AGBL4: variants seen among roughly 807,000 people sequenced by gnomAD.
The protein encoded by AGBL4 is AGBL carboxypeptidase 4.
Under a neutral mutation model 66.4 loss-of-function variants are expected in AGBL4, and 58 were observed. The ratio of observed to expected loss-of-function variants is 0.87; its 90% CI spans 0.71 to 1.09. The LOEUF (loss-of-function observed/expected upper bound fraction) is 1.09. Among genes scored for constraint, AGBL4 ranks in the 50% least tolerant of loss-of-function variants. The pLI, the probability that AGBL4 is intolerant of heterozygous loss-of-function variation, is 0.00. For synonymous variants in AGBL4, 234 were observed against 222.9 expected, an observed-to-expected ratio of 1.05 and a Z score of -0.44; for missense variants, 579 against 631.0, an observed-to-expected ratio of 0.92 and a Z score of 0.88.
At chr1:49,500,928 T>C (rs1648095573) in intron 3 of AGBL4, among the ~76,000 whole-genome samples, 1 of 152,076 alleles carries the variant, frequency 6.6e-6, no homozygotes, top group Non-Finnish European at 1.5e-5. Context: ...TGATGGTATT[T>C]TGATGAAAGG....
chr1:49,340,627 T>C (rs1490511196), intron 3 of AGBL4, among the ~76,000 whole-genome samples: 1 of 152,198 alleles, frequency 6.6e-6, no homozygotes, highest in Non-Finnish European at 1.5e-5. Flanking sequence ...GTAAGGGCAC[T>C]AGAGTAATCT....
chr1:49,950,440 A>C (rs1258520487), intron 1 of AGBL4, among the ~76,000 whole-genome samples: 1 of 151,516 alleles, frequency 6.6e-6, no homozygotes, highest in Non-Finnish European at 1.5e-5. Context: ...ATAAAAGACT[A>C]CAAATTTGGT....
chr1:49,355,607 T>G lies in AGBL4; in HGVS notation c.283-109743A>C, dbSNP rs1305889200. Among the ~76,000 whole-genome samples, 4 of 152,128 alleles carry G rather than the reference T, an allele frequency of 2.6e-5. No homozygotes were observed. In the East Asian group the frequency reaches 7.7e-4, roughly 29 times the overall value. On this transcript the variant is annotated intron_variant, in intron 3 of 13. Coordinates refer to ENST00000371839, the MANE Select transcript of AGBL4 (RefSeq NM_032785.4). ...ATCAAACACAGACTAAAATCCAAAC[T>G]CCTTAGTAGAGCCTACAAGGCTCTA...
chr1:48,940,190 C>T (rs966175747), intron 5 of AGBL4, among the ~76,000 whole-genome samples: 1 of 152,126 alleles, frequency 6.6e-6, no homozygotes, highest in African/African-American at 2.4e-5. Context: ...CCAGCCTGGC[C>T]AACATGGTGA....
intron 2 of AGBL4, among the ~76,000 whole-genome samples, chr1:49,721,313 C>T (rs1213806412): frequency 6.6e-6 from 1 of 152,120 alleles, no homozygotes; most frequent in Admixed American, 6.6e-5. Context: ...TTTCACTCTT[C>T]ACAATAAATC....
intron 6 of AGBL4, among the ~76,000 whole-genome samples, chr1:48,766,799 G>C (rs528476020): frequency 6.6e-6 from 1 of 152,196 alleles, no homozygotes; most frequent in African/African-American, 2.4e-5. Context: ...CCCAGAGTGA[G>C]GGTCGGGAAG....
chr1:48,669,911 C>G (rs971568981), intron 6 of AGBL4, among the ~76,000 whole-genome samples: 2 of 152,200 alleles, frequency 1.3e-5, no homozygotes, highest in Non-Finnish European at 2.9e-5. Context: ...TCCACACCCC[C>G]ATTCCCTCCC....
chr1:49,120,315 G>A (rs903460642), intron 4 of AGBL4, among the ~76,000 whole-genome samples: 1 of 152,202 alleles, frequency 6.6e-6, no homozygotes, highest in African/African-American at 2.4e-5. Context: ...GCTGGTACCA[G>A]TTGTTTCTTT....
chr1:48,847,625 A>G (rs1646950018), intron 6 of AGBL4, among the ~76,000 whole-genome samples: 1 of 152,200 alleles, frequency 6.6e-6, no homozygotes, highest in African/African-American at 2.4e-5. Context: ...GACCCTCAGT[A>G]TTGATTCCTT....
At chr1:49,653,987 C>T (rs986212241) in intron 3 of AGBL4, among the ~76,000 whole-genome samples, 1 of 152,198 alleles carries the variant, frequency 6.6e-6, no homozygotes, top group East Asian at 1.9e-4. Context: ...CAGTAAAGTA[C>T]TCCATGAGAA....
intron 5 of AGBL4, among the ~76,000 whole-genome samples, chr1:48,980,779 A>G (rs1047700288): frequency 2.6e-5 from 3 of 116,902 alleles, no homozygotes; most frequent in Admixed American, 9.7e-5. Context: ...ATATATATAT[A>G]TAGTTGAAAG....
At chr1:48,537,112 T>G (rs1643985672) in intron 12 of AGBL4, among the ~76,000 whole-genome samples, 3 of 152,186 alleles carry the variant, frequency 2.0e-5, no homozygotes. Context: ...ATTTGATGCT[T>G]GGGTGGAAAA....
intron 1 of AGBL4, among the ~76,000 whole-genome samples, chr1:49,895,371 T>C (rs899173702): frequency 6.6e-6 from 1 of 151,936 alleles, no homozygotes; most frequent in African/African-American, 2.4e-5. Flanking sequence ...TATTATAACA[T>C]TGGTAATCAT....
rs892060782 is a variant in AGBL4, at chr1:49,621,258, C to G, written c.282+76055G>C. 2.6e-5 allele frequency among the ~76,000 whole-genome samples: 4 copies of G among 152,178 alleles called. No individual in the cohort carries two copies. In the South Asian group the frequency reaches 8.3e-4, roughly 31 times the overall value. On this transcript the variant is annotated intron_variant, in intron 3 of 13. Transcript: ENST00000371839. The stretch of plus-strand genomic sequence containing the variant: ...AGTTTGGCCATGAGAGTACACCCAA[C>G]AAAGGAGACAGGGTCATTTATAACT...
intron 2 of AGBL4, among the ~76,000 whole-genome samples, chr1:49,708,402 T>C (rs1647375348): frequency 2.6e-5 from 4 of 152,072 alleles, no homozygotes; most frequent in Admixed American, 2.6e-4. Flanking sequence ...TTCATCTCCA[T>C]CAGTTCATTT....
chr1:49,547,993 C>T (rs574933947), intron 3 of AGBL4, among the ~76,000 whole-genome samples: 21 of 152,138 alleles, frequency 1.4e-4, no homozygotes, highest in Middle Eastern at 3.4e-3. Context: ...AGGCTGGTCT[C>T]GAACTCCTGA....
intron 3 of AGBL4, among the ~76,000 whole-genome samples, chr1:49,424,024 T>C (rs141656319): frequency 5.9e-5 from 9 of 152,268 alleles, no homozygotes; most frequent in Non-Finnish European, 1.3e-4. Flanking sequence ...TGGCCTGCTC[T>C]ATGCCCTGGG....
chr1:48,988,627 G>A (rs1264291428), intron 5 of AGBL4, among the ~76,000 whole-genome samples: 2 of 152,142 alleles, frequency 1.3e-5, no homozygotes, highest in African/African-American at 2.4e-5. Flanking sequence ...GGTCAATACT[G>A]AGAGCCTGTG....
intron 11 of AGBL4, among the ~76,000 whole-genome samples, chr1:48,572,947 A>C (rs1156638906): frequency 1.3e-5 from 2 of 152,192 alleles, no homozygotes; most frequent in Non-Finnish European, 2.9e-5. Context: ...TGCTCAGTTC[A>C]GTGGGTTACC....
Sources: allele counts gnomAD v4.1 joint callset (sites outside exome capture counted in the v4.1 genomes callset), GRCh38; gene constraint gnomAD v4.1.1; transcripts MANE v1.5; gene names NCBI Gene and HGNC (gene_info 2026-07-23, HGNC 2026-07-21).